The following GRIA1 variants were observed in gnomAD, a reference collection of about 807,000 sequenced individuals.
The protein encoded by GRIA1 is glutamate ionotropic receptor AMPA type subunit 1, also known as glutamate receptor 1.
Under a neutral mutation model 99.2 loss-of-function variants are expected in GRIA1, and 31 were observed. That is an observed-to-expected ratio of 0.31 (90% CI 0.23 to 0.42). GRIA1 has a LOEUF of 0.42. GRIA1 is among the 10% of genes least tolerant of loss of function. GRIA1 has a pLI of 1.00. For synonymous variants in GRIA1, 438 were observed against 432.4 expected (o/e 1.01, Z -0.16); for missense variants, 782 against 1,157.5 (o/e 0.68, Z 4.71).
intron 2 of GRIA1, among the ~76,000 whole-genome samples, chr5:153,626,434 GTGTGTGTGTC>G (rs1309510363): frequency 5.7e-5 from 8 of 139,706 alleles, no homozygotes; most frequent in East Asian, 2.2e-4. Flanking sequence ...TAGTCTCTGT[GTGTGTGTGTC>G]TGTGTGTGTG....
At chr5:153,656,792 T>C (rs975180586) in intron 5 of GRIA1, among the ~76,000 whole-genome samples, 1 of 152,156 alleles carries the variant, frequency 6.6e-6, no homozygotes, top group Non-Finnish European at 1.5e-5. Flanking sequence ...ATCACCACAG[T>C]CTTATTTTAA....
chr5:153,600,642 AGAG>A (rs1340238041), intron 2 of GRIA1, among the ~76,000 whole-genome samples: 1 of 152,122 alleles, frequency 6.6e-6, no homozygotes. Flanking sequence ...GGGAGACCAA[AGAG>A]GAGAAGTGCC....
intron 11 of GRIA1, among the ~76,000 whole-genome samples, chr5:153,759,090 A>C (rs1268591808): frequency 6.6e-6 from 1 of 151,842 alleles, no homozygotes; most frequent in African/African-American, 2.4e-5. Flanking sequence ...CAGCAAGAGG[A>C]AAGTTTATAG....
Position 153,811,540 on chromosome 5 carries a change from G to A in GRIA1, c.*315G>A, listed in dbSNP as rs1480552117. ...AGAGTAGAGTCACTGGAACACTAAT[G>A]AGGAAACTGCACTGTTTTATTTTAA... On this transcript the variant is annotated 3_prime_UTR_variant, in exon 16 of 16. Transcript: ENST00000285900. The A allele has an allele frequency of 6.3e-6, 2 of 318,724 alleles. No homozygotes were observed. The highest frequency in any genetic ancestry group is 1.2e-5 in the Non-Finnish European group (2 of 166,008). The allele number at this position is 318,724 out of a possible 1,614,324, so 19.7% of individuals were successfully genotyped here. A position where few individuals can be genotyped will look rare whatever the true frequency, so the allele number is the denominator to read the frequency against.
chr5:153,586,973 C>CT (rs949590606), intron 2 of GRIA1, among the ~76,000 whole-genome samples: 4 of 152,134 alleles, frequency 2.6e-5, no homozygotes, highest in African/African-American at 9.7e-5. Flanking sequence ...TGATGAAGGG[C>CT]TTTTTTAAGC....
At chr5:153,810,363 T>A (rs1766733502) in intron 15 of GRIA1, among the ~76,000 whole-genome samples, 1 of 152,258 alleles carries the variant, frequency 6.6e-6, no homozygotes, top group Non-Finnish European at 1.5e-5. Flanking sequence ...ATTGTATTAT[T>A]CAAACGAGTC....
At chr5:153,767,277 C>G (rs1234908300) in intron 12 of GRIA1, among the ~76,000 whole-genome samples, 1 of 152,192 alleles carries the variant, frequency 6.6e-6, no homozygotes, top group Admixed American at 6.5e-5. Context: ...AGTATTATTA[C>G]TATTTTCAGA....
At chr5:153,717,452 T>A (rs1310766387) in intron 11 of GRIA1, among the ~76,000 whole-genome samples, 4 of 151,966 alleles carry the variant, frequency 2.6e-5, no homozygotes, top group Non-Finnish European at 5.9e-5. Context: ...CTAGAAAGAA[T>A]CTTGATTGAC....
chr5:153,562,584 C>T (rs989665757), intron 2 of GRIA1, among the ~76,000 whole-genome samples: 1 of 152,120 alleles, frequency 6.6e-6, no homozygotes, highest in African/African-American at 2.4e-5. Flanking sequence ...CTCAGAATAA[C>T]CTTGTGACTA....
At chr5:153,552,554 T>C (rs531261223) in intron 2 of GRIA1, among the ~76,000 whole-genome samples, 7 of 152,136 alleles carry the variant, frequency 4.6e-5, no homozygotes, top group Non-Finnish European at 1.0e-4. Flanking sequence ...CTGCATCCAG[T>C]ACCAATTAAA....
chr5:153,513,068 AG>A (rs1756259102), intron 2 of GRIA1, among the ~76,000 whole-genome samples: 1 of 152,196 alleles, frequency 6.6e-6, no homozygotes. Context: ...TCCAGTTTCC[AG>A]AACTGTGAAA....
At chr5:153,776,503 T>C (rs1764262833) in intron 13 of GRIA1, among the ~76,000 whole-genome samples, 1 of 152,202 alleles carries the variant, frequency 6.6e-6, no homozygotes, top group Non-Finnish European at 1.5e-5. Context: ...ACACAAGCTT[T>C]CCGGCACACC....
At chr5:153,665,595 G>T (rs1489155747) in intron 5 of GRIA1, among the ~76,000 whole-genome samples, 1 of 152,174 alleles carries the variant, frequency 6.6e-6, no homozygotes, top group African/African-American at 2.4e-5. Context: ...TAAGTCTTCA[G>T]CCCAGGAGTA....
In GRIA1 at chr5:153,760,087, C is replaced by T. The variant is rs556406633; in HGVS notation, c.1824-4347C>T. ...CATATATGAAAAATACAGCTAACAT[C>T]ATATTGAATAGGGAAAAGTTGAAAG... On this transcript the variant is annotated intron_variant, in intron 11 of 15. Coordinates refer to ENST00000285900, the MANE Select transcript of GRIA1 (RefSeq NM_000827.4). Among the ~76,000 whole-genome samples, 3 of 152,124 alleles carry T rather than the reference C, an allele frequency of 2.0e-5. No individual in the cohort carries two copies. In the East Asian group the frequency reaches 5.8e-4, roughly 29 times the overall value.
chr5:153,708,648 G>T (rs1354780442), intron 11 of GRIA1, among the ~76,000 whole-genome samples: 1 of 152,200 alleles, frequency 6.6e-6, no homozygotes. Flanking sequence ...TATGTTAATT[G>T]ATTTTTTTTA....
chr5:153,750,606 T>G (rs1762446458), intron 11 of GRIA1, among the ~76,000 whole-genome samples: 1 of 152,176 alleles, frequency 6.6e-6, no homozygotes, highest in African/African-American at 2.4e-5. Context: ...TCTGCTTTCC[T>G]GAAGGCCCCC....
chr5:153,593,213 G>C (rs1435573910), intron 2 of GRIA1, among the ~76,000 whole-genome samples: 1 of 152,206 alleles, frequency 6.6e-6, no homozygotes, highest in African/African-American at 2.4e-5. Flanking sequence ...GATGCAGTAA[G>C]CTGACATCAC....
intron 2 of GRIA1, among the ~76,000 whole-genome samples, chr5:153,536,833 T>C (rs1758616803): frequency 6.6e-6 from 1 of 152,212 alleles, no homozygotes; most frequent in African/African-American, 2.4e-5. Context: ...CGGTCAATTC[T>C]CTCTTCTCCA....
At chr5:153,596,998 TC>T (rs1318925144) in intron 2 of GRIA1, among the ~76,000 whole-genome samples, 1 of 152,162 alleles carries the variant, frequency 6.6e-6, no homozygotes, top group Non-Finnish European at 1.5e-5. Context: ...TCCCGTGGCC[TC>T]CCCAGGCATT....
Sources: allele counts gnomAD v4.1 joint callset (sites outside exome capture counted in the v4.1 genomes callset), GRCh38; gene constraint gnomAD v4.1.1; transcripts MANE v1.5; gene names NCBI Gene and HGNC (gene_info 2026-07-23, HGNC 2026-07-21).